NCAM2: variants seen among roughly 807,000 people sequenced by gnomAD.
NCAM2 encodes the protein N-CAM-2.
Under a neutral mutation model 98.1 loss-of-function variants are expected in NCAM2, and 30 were observed. The observed-to-expected ratio is 0.31, with a 90% CI of 0.23 to 0.41. The LOEUF is 0.41. Ranked by LOEUF, NCAM2 falls within the 10% of genes least tolerant of loss-of-function variation. The pLI, the probability that NCAM2 is intolerant of heterozygous loss-of-function variation, is 1.00. For synonymous variants in NCAM2, 368 were observed against 342.4 expected (o/e 1.07, Z -0.83); for missense variants, 867 against 1,005.8 (o/e 0.86, Z 1.87).
chr21:21,116,826 G>T (rs1435366108), intron 1 of NCAM2, among the ~76,000 whole-genome samples: 1 of 151,586 alleles, frequency 6.6e-6, no homozygotes, highest in Non-Finnish European at 1.5e-5. Context: ...CTGCACTCCA[G>T]CCTGGGCGAC....
intron 8 of NCAM2, among the ~76,000 whole-genome samples, chr21:21,355,276 A>G (rs1019869597): frequency 1.3e-5 from 2 of 151,750 alleles, no homozygotes; most frequent in Non-Finnish European, 2.9e-5. Context: ...TCTCCAAAAA[A>G]TACAAAAAAT....
intron 1 of NCAM2, among the ~76,000 whole-genome samples, chr21:21,031,520 A>G (rs2064681500): frequency 6.6e-6 from 1 of 152,156 alleles, no homozygotes; most frequent in Non-Finnish European, 1.5e-5. Flanking sequence ...GTGCAGGTTC[A>G]TGTGTGTAAT....
intron 1 of NCAM2, among the ~76,000 whole-genome samples, chr21:21,018,420 G>C (rs1223420142): frequency 6.6e-6 from 1 of 152,170 alleles, no homozygotes; most frequent in Admixed American, 6.5e-5. Flanking sequence ...AGAGATGAAG[G>C]CTGCTAAGTT....
At chr21:21,034,376 C>T (rs1181724984) in intron 1 of NCAM2, among the ~76,000 whole-genome samples, 1 of 152,076 alleles carries the variant, frequency 6.6e-6, no homozygotes. Context: ...TCAGTTGGAA[C>T]TGGCAAGCGG....
intron 10 of NCAM2, among the ~76,000 whole-genome samples, chr21:21,411,471 A>AAG (rs1394851265): frequency 2.0e-5 from 3 of 151,792 alleles, no homozygotes; most frequent in Non-Finnish European, 4.4e-5. Context: ...ATTTTGTATA[A>AAG]TTATTTTTAT....
intron 1 of NCAM2, among the ~76,000 whole-genome samples, chr21:21,179,250 AT>A (rs955105851): frequency 2.0e-5 from 3 of 151,328 alleles, no homozygotes; most frequent in East Asian, 3.9e-4. Context: ...CTTTATCCTG[AT>A]TTTTTTTTCA....
chr21:21,406,799 C>T (rs1162408317), intron 9 of NCAM2, among the ~76,000 whole-genome samples: 1 of 152,060 alleles, frequency 6.6e-6, no homozygotes, highest in East Asian at 1.9e-4. Flanking sequence ...GATATGCTTC[C>T]ATAACTTCAT....
chr21:21,024,555 C>T (rs557547929), intron 1 of NCAM2, among the ~76,000 whole-genome samples: 1 of 152,178 alleles, frequency 6.6e-6, no homozygotes, highest in African/African-American at 2.4e-5. Context: ...ATCAGTTGTC[C>T]AACTTAAGTA....
intron 5 of NCAM2, among the ~76,000 whole-genome samples, chr21:21,296,886 A>G (rs527713453): frequency 2.6e-5 from 4 of 151,688 alleles, no homozygotes; most frequent in Non-Finnish European, 5.9e-5. Context: ...AGTGTGCACA[A>G]AAATAAGTGT....
At chr21:21,293,103 A>G (rs2073354430) in intron 5 of NCAM2, among the ~76,000 whole-genome samples, 1 of 151,896 alleles carries the variant, frequency 6.6e-6, no homozygotes, top group African/African-American at 2.4e-5. Context: ...CTTCCCTGGG[A>G]TACCTGGGAA....
intron 1 of NCAM2, among the ~76,000 whole-genome samples, chr21:21,149,533 A>G (rs2067383935): frequency 1.3e-5 from 2 of 152,094 alleles, no homozygotes; most frequent in Admixed American, 1.3e-4. Flanking sequence ...CCCTGCATGC[A>G]TTAGGTATTT....
intron 2 of NCAM2, among the ~76,000 whole-genome samples, chr21:21,280,890 T>C (rs9981918): frequency 0.069 from 10,438 of 152,032 alleles, 682 homozygotes; most frequent in East Asian, 0.34. Context: ...CAAGCCGTTC[T>C]CCTGCCTCAG....
chr21:21,052,149 C>CTTTTTTTTTTTT (rs2065121901), intron 1 of NCAM2, among the ~76,000 whole-genome samples: 1 of 109,934 alleles, frequency 9.1e-6, no homozygotes, highest in African/African-American at 3.8e-5. Context: ...TCATGATGGC[C>CTTTTTTTTTTTT]ATTTTTTTTT....
intron 1 of NCAM2, among the ~76,000 whole-genome samples, chr21:21,183,726 C>T (rs1353506608): frequency 1.3e-5 from 2 of 152,062 alleles, no homozygotes; most frequent in Non-Finnish European, 2.9e-5. Flanking sequence ...GTAGATGAGT[C>T]TCAGACTACT....
intron 1 of NCAM2, among the ~76,000 whole-genome samples, chr21:21,058,669 A>ATTTTTTT (rs59289753): frequency 6.9e-6 from 1 of 144,848 alleles, no homozygotes; most frequent in Non-Finnish European, 1.5e-5. Context: ...TTCACACAGG[A>ATTTTTTT]TTTTTTTTTT....
At chr21:21,193,350 G>A (rs564647339) in intron 1 of NCAM2, among the ~76,000 whole-genome samples, 5 of 152,042 alleles carry the variant, frequency 3.3e-5, no homozygotes, top group African/African-American at 1.2e-4. Context: ...AAAAGACAAA[G>A]CTACTTAGTC....
intron 5 of NCAM2, among the ~76,000 whole-genome samples, chr21:21,298,620 T>C (rs1352867387): frequency 8.6e-6 from 1 of 116,898 alleles, no homozygotes; most frequent in Non-Finnish European, 2.1e-5. Flanking sequence ...GATAGATAGA[T>C]AGATAGATAG....
intron 1 of NCAM2, among the ~76,000 whole-genome samples, chr21:21,110,790 C>T (rs1343069257): frequency 6.6e-6 from 1 of 151,888 alleles, no homozygotes; most frequent in African/African-American, 2.4e-5. Context: ...TTGGTTCTAC[C>T]ACTTATCGAG....
chr21:21,534,467 ACT>A (rs1989876627), intron 16 of NCAM2, 68 bp from the exon 17 acceptor site: 1 of 1,292,954 alleles, frequency 7.7e-7, no homozygotes, highest in African/African-American at 1.5e-5. Flanking sequence ...GTGATTTTAA[ACT>A]CTGTTTTTTT....
Sources: allele counts gnomAD v4.1 joint callset (sites outside exome capture counted in the v4.1 genomes callset), GRCh38; gene constraint gnomAD v4.1.1; transcripts MANE v1.5; gene names NCBI Gene and HGNC (gene_info 2026-07-23, HGNC 2026-07-21).